Variants in STYXL2 observed in about 807,000 individuals in gnomAD.
STYXL2 encodes serine/threonine/tyrosine interacting like 2, also known as serine/threonine/tyrosine-interacting-like protein 2.
In STYXL2, 44 loss-of-function variants were observed where a neutral mutation model predicts 52.4. That is an observed-to-expected ratio of 0.84 (90% CI 0.66 to 1.08). The LOEUF (loss-of-function observed/expected upper bound fraction) is 1.08, where lower values mean the gene tolerates loss of function less well. Among genes scored for constraint, STYXL2 ranks in the 50% least tolerant of loss-of-function variants. The pLI is 0.00. For missense variants in STYXL2, 1,604 were observed against 1,471.7 expected (o/e 1.09, Z -1.47); for synonymous variants, 604 against 586.9 (o/e 1.03, Z -0.42).
In STYXL2 at chr1:167,127,502, C is replaced by G. The variant is rs773206628; in HGVS notation, c.2371C>G (p.Pro791Ala). The change falls in exon 6 of 6, where the codon CCC becomes GCC. Residue 791 changes from proline to alanine, a missense_variant. Coordinates refer to ENST00000361200, the MANE Select transcript of STYXL2 (RefSeq NM_001080426.3). Reference sequence around the variant, plus strand: ...CCTGTTGCCTCAGAGCCAGGCAAGACCCAGCTCTGACATGCAGTCTGTGCT... The same window carrying G: ...CCTGTTGCCTCAGAGCCAGGCAAGAGCCAGCTCTGACATGCAGTCTGTGCT... Reference protein sequence around the residue: ...GCLLPQSQARPSSDMQSVLSC... With the variant: ...GCLLPQSQARASSDMQSVLSC... 2 of 1,614,108 alleles carry G rather than the reference C, an allele frequency of 1.2e-6. No homozygotes were observed. The highest frequency in any genetic ancestry group is 2.2e-5 in the East Asian group (1 of 44,868).
intron 2 of STYXL2, among the ~76,000 whole-genome samples, chr1:167,097,467 T>C (rs753133161): frequency 6.6e-6 from 1 of 152,238 alleles, no homozygotes; most frequent in Non-Finnish European, 1.5e-5. Context: ...TTAATGATAG[T>C]TATCTTGGGA....
At position 167,128,732 on chromosome 1, in the gene STYXL2, A is replaced by G. The variant is rs1668030771; in HGVS notation, c.*124A>G. The stretch of plus-strand genomic sequence containing the variant: ...AGGATCTTCCAGAGGGGCAGAGCCA[A>G]AATGAGAGGTACCAAGCATAAGGGC... On this transcript the variant is annotated 3_prime_UTR_variant, in exon 6 of 6. Coordinates refer to ENST00000361200, the MANE Select transcript of STYXL2 (RefSeq NM_001080426.3). 7.0e-7 allele frequency: 1 copy of G among 1,422,612 alleles called. No individual in the cohort carries two copies. Among genetic ancestry groups the G allele is most frequent in the East Asian group, 2.5e-5 (1 of 40,272 alleles). The allele number at this position is 1,422,612 out of a possible 1,614,324, so 88.1% of individuals were successfully genotyped here.
intron 2 of STYXL2, among the ~76,000 whole-genome samples, chr1:167,100,781 C>T (rs1382951944): frequency 6.6e-6 from 1 of 152,202 alleles, no homozygotes; most frequent in East Asian, 1.9e-4. Flanking sequence ...GTGTATACTA[C>T]TCAGCAATTG....
At position 167,127,050 on chromosome 1, in the gene STYXL2, G is replaced by A; in HGVS notation, c.1919G>A (p.Ser640Asn). The A allele has an allele frequency of 1.2e-6, 2 of 1,610,540 alleles. No homozygotes were observed. Among genetic ancestry groups the A allele is most frequent in the Non-Finnish European group, 1.7e-6 (2 of 1,177,766 alleles). ...AGAAGCCGGCAGACGCTGGAGGAGA[G>A]CCAGTCTATGGCAAGCTGGGAGGCG... Reference protein sequence around the residue: ...LERSRQTLEESQSMASWEADS... With the variant: ...LERSRQTLEENQSMASWEADS... Residue 640 changes from serine (S) to asparagine (N), a missense_variant, in exon 6 of 6, where the codon AGC (serine) becomes AAC (asparagine). Transcript: ENST00000361200.
chr1:167,095,085 G>T, intron 2 of STYXL2, 126 bp downstream of exon 2: 1 of 656,848 alleles, frequency 1.5e-6, no homozygotes, highest in Non-Finnish European at 2.7e-6. Flanking sequence ...ATATTATTGA[G>T]TACTTGTATG....
chr1:167,112,803 G>C (rs1667645733), intron 2 of STYXL2, among the ~76,000 whole-genome samples: 1 of 152,152 alleles, frequency 6.6e-6, no homozygotes, highest in African/African-American at 2.4e-5. Flanking sequence ...GGGTTTGTCA[G>C]AATTAAATTC....
chr1:167,119,317 G>T lies in STYXL2; in HGVS notation c.506G>T (p.Gly169Val), dbSNP rs778046357. 94 of 1,612,562 alleles carry T rather than the reference G, an allele frequency of 5.8e-5. 2 individuals are homozygous for T. The South Asian group carries it at 9.6e-4, about 16-fold the overall frequency. ...GITHILNAAH[G>V]TGVYTGPEFY... ...ACCCACATTCTGAATGCTGCGCATG[G>T]CACCGGCGTTTACACTGGCCCCGAA... The change falls in exon 5 of 6, where the codon GGC becomes GTC. Residue 169 changes from glycine to valine, a missense_variant. Transcript: ENST00000361200.
At chr1:167,113,008 G>C (rs6427064) in intron 2 of STYXL2, among the ~76,000 whole-genome samples, 94,660 of 151,966 alleles carry the variant, frequency 0.62, 30,206 homozygotes, top group East Asian at 0.9. Flanking sequence ...CAGGTCTTGT[G>C]TCTGCTGTAG....
At chr1:167,103,678 A>G (rs774944530) in intron 2 of STYXL2, among the ~76,000 whole-genome samples, 15 of 152,184 alleles carry the variant, frequency 9.9e-5, no homozygotes, top group Non-Finnish European at 1.5e-4. Flanking sequence ...AGATTCATCC[A>G]TCTCACAGCT....
In STYXL2 at chr1:167,114,535, A is replaced by T. The variant is rs146946495; in HGVS notation, c.205+731A>T. Among the ~76,000 whole-genome samples the T allele has an allele frequency of 6.3e-4, 96 of 152,190 alleles. No homozygotes were observed. In the Middle Eastern group the frequency reaches 0.01, roughly 16 times the overall value. On this transcript the variant is annotated intron_variant, in intron 3 of 5. Coordinates refer to ENST00000361200, the MANE Select transcript of STYXL2 (RefSeq NM_001080426.3). ...TCTCTCAACCACCGCTGGTGGCCAC[A>T]ATCCTTTCCTTGGTCTTTCATTATT... is the stretch of plus-strand genomic sequence containing the variant.
At chr1:167,102,884 C>G (rs556473941) in intron 2 of STYXL2, among the ~76,000 whole-genome samples, 25 of 149,636 alleles carry the variant, frequency 1.7e-4, no homozygotes, top group African/African-American at 5.9e-4. Context: ...ACCTCACCAC[C>G]GGACTCTTAG....
intron 2 of STYXL2, among the ~76,000 whole-genome samples, chr1:167,110,425 T>G (rs1210907004): frequency 2.6e-5 from 4 of 151,866 alleles, no homozygotes; most frequent in Non-Finnish European, 5.9e-5. Flanking sequence ...ATTAAGCAAC[T>G]CAAGGAAGCA....
chr1:167,112,780 C>T (rs143669309), intron 2 of STYXL2, among the ~76,000 whole-genome samples: 1 of 152,280 alleles, frequency 6.6e-6, no homozygotes, highest in African/African-American at 2.4e-5. Flanking sequence ...AAAAATAATA[C>T]CTAATTTGTG....
chr1:167,127,077 A>C lies in STYXL2; in HGVS notation c.1946A>C (p.Asp649Ala). The change falls in exon 6 of 6, where the codon GAC (aspartate) becomes GCC (alanine). Residue 649 changes from aspartate to alanine, a missense_variant. Coordinates refer to ENST00000361200, the MANE Select transcript of STYXL2 (RefSeq NM_001080426.3). ...CAGTCTATGGCAAGCTGGGAGGCGG[A>C]CAGCTCCACGGCCAGCGGGAGCATT... is the stretch of plus-strand genomic sequence containing the variant. ...ESQSMASWEADSSTASGSIPL... is the reference protein window; with the variant it reads ...ESQSMASWEAASSTASGSIPL... 1.2e-6 allele frequency: 2 copies of C among 1,613,234 alleles called. No homozygotes were observed. Among genetic ancestry groups the C allele is most frequent in the Non-Finnish European group, 8.5e-7 (1 of 1,179,456 alleles).
chr1:167,127,079 A>G lies in STYXL2; in HGVS notation c.1948A>G (p.Ser650Gly). ...GTCTATGGCAAGCTGGGAGGCGGAC[A>G]GCTCCACGGCCAGCGGGAGCATTCC... Reference protein sequence around the residue: ...SQSMASWEADSSTASGSIPLS... With the variant: ...SQSMASWEADGSTASGSIPLS... The change falls in exon 6 of 6, where the codon AGC becomes GGC. Residue 650 changes from serine (S) to glycine (G), a missense_variant. Coordinates refer to ENST00000361200, the MANE Select transcript of STYXL2 (RefSeq NM_001080426.3). 1 of 1,613,364 alleles carries G rather than the reference A, an allele frequency of 6.2e-7. No individual in the cohort carries two copies. Among genetic ancestry groups the G allele is most frequent in the Non-Finnish European group, 8.5e-7 (1 of 1,179,514 alleles).
At chr1:167,103,737 C>A (rs921707970) in intron 2 of STYXL2, among the ~76,000 whole-genome samples, 1 of 152,124 alleles carries the variant, frequency 6.6e-6, no homozygotes, top group African/African-American at 2.4e-5. Flanking sequence ...AATTTAAAAC[C>A]CCCTGTCAGT....
At chr1:167,111,469 CATATATATATATATAT>C (rs776014246) in intron 2 of STYXL2, among the ~76,000 whole-genome samples, 99 of 79,936 alleles carry the variant, frequency 1.2e-3, no homozygotes, top group Admixed American at 1.9e-3. Flanking sequence ...AAATATGGTA[CATATATATATATATAT>C]ATATATATAT....
chr1:167,111,513 T>TATATACAC (rs1211215448), intron 2 of STYXL2, among the ~76,000 whole-genome samples: 123 of 50,020 alleles, frequency 2.5e-3, no homozygotes, highest in Non-Finnish European at 3.2e-3. Context: ...TATATATATA[T>TATATACAC]ACACACACAC....
chr1:167,120,930 A>G (rs1667844270), intron 5 of STYXL2, among the ~76,000 whole-genome samples: 1 of 150,180 alleles, frequency 6.7e-6, no homozygotes, highest in Non-Finnish European at 1.5e-5. Context: ...ACAGACATGT[A>G]TACACATATA....
Sources: allele counts gnomAD v4.1 joint callset (sites outside exome capture counted in the v4.1 genomes callset), GRCh38; gene constraint gnomAD v4.1.1; transcripts MANE v1.5; gene names NCBI Gene and HGNC (gene_info 2026-07-23, HGNC 2026-07-21).